The following NAV3 variants were observed in gnomAD, a reference collection of about 807,000 sequenced individuals.
NAV3 encodes the protein pore membrane and/or filament interacting like protein 1.
Under a neutral mutation model 244.7 loss-of-function variants are expected in NAV3, and 87 were observed. That is an observed-to-expected ratio of 0.36 (90% CI 0.30 to 0.42). NAV3 has a LOEUF of 0.42. NAV3 is among the 20% of genes least tolerant of loss of function. NAV3 has a pLI of 1.00. For missense variants in NAV3, 2,663 were observed against 2,893.3 expected, an observed-to-expected ratio of 0.92 and a Z score of 1.83; for synonymous variants, 1,126 against 1,042.2, an observed-to-expected ratio of 1.08 and a Z score of -1.55.
At chr12:78,164,685 G>A (rs746035563) in intron 23 of NAV3, among the ~76,000 whole-genome samples, 4 of 152,024 alleles carry the variant, frequency 2.6e-5, no homozygotes, top group African/African-American at 4.8e-5. Flanking sequence ...GGATGGCCAG[G>A]TTATTTCAGT....
At chr12:77,775,917 T>G (rs1464246603) in intron 2 of NAV3, 1 of 152,266 alleles carries the variant, frequency 6.6e-6, no homozygotes, top group Non-Finnish European at 1.5e-5. Flanking sequence ...ATGATTGGCA[T>G]GAGCCTTTGC....
intron 2 of NAV3, among the ~76,000 whole-genome samples, chr12:77,686,443 TTTTTA>T (rs1266625151): frequency 7.0e-5 from 10 of 142,556 alleles, no homozygotes; most frequent in African/African-American, 2.0e-4. Flanking sequence ...TTTTTTTTTT[TTTTTA>T]AAAACAGAGG....
intron 2 of NAV3, among the ~76,000 whole-genome samples, chr12:77,640,343 G>T (rs1872354062): frequency 6.6e-6 from 1 of 151,952 alleles, no homozygotes; most frequent in South Asian, 2.1e-4. Flanking sequence ...TTGCAGAGAA[G>T]AACTAAATAA....
intron 2 of NAV3, among the ~76,000 whole-genome samples, chr12:77,691,359 A>ATATATATC (rs1195596212): frequency 2.2e-5 from 3 of 138,254 alleles, no homozygotes; most frequent in African/African-American, 5.4e-5. Context: ...ATATATACAT[A>ATATATATC]TCCATTCTTG....
intron 17 of NAV3, among the ~76,000 whole-genome samples, chr12:78,128,267 TA>T (rs33971273): frequency 0.067 from 9,562 of 142,482 alleles, 329 homozygotes; most frequent in Admixed American, 0.081. Flanking sequence ...GTTTTTCCTT[TA>T]AAAAAAAAAA....
intron 2 of NAV3, among the ~76,000 whole-genome samples, chr12:77,759,024 T>G (rs964592528): frequency 6.6e-6 from 1 of 152,244 alleles, no homozygotes; most frequent in Non-Finnish European, 1.5e-5. Flanking sequence ...GCTGGCCCCA[T>G]TCTGAGTGCT....
intron 33 of NAV3, 145 bp downstream of exon 33, chr12:78,188,922 A>T: frequency 1.6e-6 from 1 of 637,096 alleles, no homozygotes; most frequent in Non-Finnish European, 2.6e-6. Flanking sequence ...GACTCATTTC[A>T]TACCAAAACT....
At chr12:77,788,868 A>G (rs1025711172) in intron 2 of NAV3, among the ~76,000 whole-genome samples, 4 of 152,100 alleles carry the variant, frequency 2.6e-5, no homozygotes, top group Admixed American at 2.0e-4. Flanking sequence ...TCCTAACTGA[A>G]TTATCTTCTC....
chr12:78,211,695 A>T lies in NAV3; in HGVS notation c.*1178A>T, dbSNP rs1279563488. On this transcript the variant is annotated 3_prime_UTR_variant, in exon 40 of 40. Coordinates refer to ENST00000397909, the MANE Select transcript of NAV3 (RefSeq NM_001024383.2). ...TATCCAGCAGGGCTGGAAGCACTAG[A>T]TGCAGCATGAGCACAACTATTCGGC... 1 of 152,532 alleles carries T rather than the reference A, an allele frequency of 6.6e-6. No individual in the cohort carries two copies. The highest frequency in any genetic ancestry group is 1.5e-5 in the Non-Finnish European group (1 of 68,034). 9.4% of individuals were successfully genotyped at this position (152,532 alleles called of 1,614,324 possible).
intron 12 of NAV3, among the ~76,000 whole-genome samples, chr12:78,075,183 T>G (rs1368251943): frequency 6.6e-6 from 1 of 152,188 alleles, no homozygotes; most frequent in Non-Finnish European, 1.5e-5. Context: ...GCAGTACAGA[T>G]ATGAAGAAAA....
At position 78,177,674 on chromosome 12, in the gene NAV3, G is replaced by A; in HGVS notation, c.5352G>A (p.Lys1784=). Residue 1784 remains lysine, a synonymous_variant, in exon 28 of 40, where the codon AAG becomes AAA. Transcript: ENST00000397909. ...GACAAAATGGCCCTGTGATCTACAA[G>A]CATAGATCTCGGTAAAGTGGAGTGC... The part of the protein sequence containing the change: ...KKRQNGPVIY[K]HRSRICECTE... 1 of 1,597,212 alleles carries A rather than the reference G, an allele frequency of 6.3e-7. No homozygotes were observed. Among genetic ancestry groups the A allele is most frequent in the Non-Finnish European group, 8.5e-7 (1 of 1,179,164 alleles).
At chr12:78,045,867 T>G (rs1413653880) in intron 9 of NAV3, among the ~76,000 whole-genome samples, 2 of 152,148 alleles carry the variant, frequency 1.3e-5, no homozygotes, top group African/African-American at 4.8e-5. Context: ...GTCCTGGGCA[T>G]TTTTTTGGTT....
intron 2 of NAV3, among the ~76,000 whole-genome samples, chr12:77,794,328 T>C (rs906454861): frequency 1.3e-5 from 2 of 152,200 alleles, no homozygotes; most frequent in Non-Finnish European, 2.9e-5. Context: ...TTTCTAGCTG[T>C]CAGTAACATA....
At chr12:77,979,712 G>GAA (rs150656996) in intron 5 of NAV3, among the ~76,000 whole-genome samples, 3,938 of 121,512 alleles carry the variant, frequency 0.032, 221 homozygotes, top group African/African-American at 0.11. Flanking sequence ...AAAAAAAAAA[G>GAA]AAAAAAAAAA....
intron 30 of NAV3, among the ~76,000 whole-genome samples, chr12:78,181,886 A>G (rs1958513592): frequency 6.6e-6 from 1 of 152,026 alleles, no homozygotes; most frequent in African/African-American, 2.4e-5. Flanking sequence ...GCATGCTGAT[A>G]TTGATTACAT....
At chr12:78,034,362 G>C (rs997423209) in intron 9 of NAV3, among the ~76,000 whole-genome samples, 1 of 152,210 alleles carries the variant, frequency 6.6e-6, no homozygotes, top group African/African-American at 2.4e-5. Flanking sequence ...AGAGCCAGCA[G>C]TATCTGGAAA....
chr12:77,767,145 G>C (rs552879411), intron 2 of NAV3, among the ~76,000 whole-genome samples: 14 of 152,118 alleles, frequency 9.2e-5, no homozygotes, highest in African/African-American at 3.4e-4. Flanking sequence ...CTACTTGTAT[G>C]ATAGTTTTGT....
At chr12:78,022,937 A>G (rs972004242) in intron 9 of NAV3, among the ~76,000 whole-genome samples, 2 of 152,162 alleles carry the variant, frequency 1.3e-5, no homozygotes, top group Admixed American at 1.3e-4. Context: ...AGTTCTAGGT[A>G]GGGGTAGAAA....
intron 2 of NAV3, among the ~76,000 whole-genome samples, chr12:77,813,078 C>T (rs1872371355): frequency 6.6e-6 from 1 of 152,164 alleles, no homozygotes; most frequent in South Asian, 2.1e-4. Context: ...CTGCCTCAGC[C>T]TCCCAAAGTG....
Sources: allele counts gnomAD v4.1 joint callset (sites outside exome capture counted in the v4.1 genomes callset), GRCh38; gene constraint gnomAD v4.1.1; transcripts MANE v1.5; gene names NCBI Gene and HGNC (gene_info 2026-07-23, HGNC 2026-07-21).